The following NPIPB12 variants were observed in gnomAD, a reference collection of about 807,000 sequenced individuals.
The protein encoded by NPIPB12 is nuclear pore complex interacting protein family member B12, also known as nuclear pore complex-interacting protein family member B12.
At chr16:29,497,147 A>C (rs1378676861) in intron 1 of NPIPB12, among the ~76,000 whole-genome samples, 1 of 101,764 alleles carries the variant, frequency 9.8e-6, no homozygotes, top group Non-Finnish European at 2.1e-5. Flanking sequence ...ATCTCAGCAT[A>C]AGTAAAAAAA....
chr16:29,498,340 T>TAAA (rs1965166692), intron 1 of NPIPB12, among the ~76,000 whole-genome samples: 5 of 125,812 alleles, frequency 4.0e-5, no homozygotes, highest in African/African-American at 1.3e-4. Flanking sequence ...ATAAATAAAA[T>TAAA]AATGTAGATC....
intron 1 of NPIPB12, among the ~76,000 whole-genome samples, chr16:29,498,316 A>AAATTAATT (rs1555481953): frequency 6.8e-6 from 1 of 147,752 alleles, no homozygotes; most frequent in African/African-American, 2.5e-5. Context: ...ATAAATAAAT[A>AAATTAATT]AATAAATAAA....
intron 1 of NPIPB12, among the ~76,000 whole-genome samples, chr16:29,498,165 T>C (rs1965159500): frequency 7.1e-6 from 1 of 141,280 alleles, no homozygotes; most frequent in African/African-American, 2.5e-5. Flanking sequence ...CTGGGAGTGG[T>C]GCCACATGTC....
intron 1 of NPIPB12, chr16:29,499,279 GC>G: frequency 1.1e-5 from 2 of 179,192 alleles, no homozygotes; most frequent in Non-Finnish European, 8.1e-6. Context: ...ACGTGATACA[GC>G]CCAGTAAAAA....
At chr16:29,504,473 C>G (rs1205239555) in intron 2 of NPIPB12, among the ~76,000 whole-genome samples, 26 of 135,498 alleles carry the variant, frequency 1.9e-4, no homozygotes, top group Admixed American at 1.2e-3. Context: ...CCATTGCACT[C>G]CAGCCTGGGG....
chr16:29,498,353 G>C (rs1178058858), intron 1 of NPIPB12, among the ~76,000 whole-genome samples: 2 of 146,924 alleles, frequency 1.4e-5, no homozygotes, highest in Non-Finnish European at 1.5e-5. Context: ...TGTAGATCTT[G>C]AAAGGGGGTT....
At chr16:29,499,298 ACCCCAC>A in intron 1 of NPIPB12, 3 of 146,530 alleles carry the variant, frequency 2.0e-5, no homozygotes, top group Non-Finnish European at 2.0e-5. Context: ...AAAGGAAGAA[ACCCCAC>A]GGGTCCAGCG....
At chr16:29,498,192 C>A in intron 1 of NPIPB12, among the ~76,000 whole-genome samples, 1 of 143,212 alleles carries the variant, frequency 7.0e-6, no homozygotes, top group Non-Finnish European at 1.5e-5. Flanking sequence ...CCCAGCCACT[C>A]GGGAGGCTGA....
intron 2 of NPIPB12, among the ~76,000 whole-genome samples, chr16:29,495,168 G>A (rs1206953704): frequency 1.3e-4 from 19 of 145,724 alleles, no homozygotes; most frequent in Non-Finnish European, 2.8e-4. Context: ...CAAAGCAGAA[G>A]AGTTTAGAAA....
chr16:29,490,921 A>AT (rs1965078286), intron 4 of NPIPB12, among the ~76,000 whole-genome samples: 1 of 140,994 alleles, frequency 7.1e-6, no homozygotes, highest in South Asian at 2.2e-4. Context: ...AAAAAAAAAA[A>AT]AAAAAAAGGC....
At chr16:29,501,839 G>A (rs1288674171), upstream of NPIPB12, among the ~76,000 whole-genome samples, 2 of 30,472 alleles carry the variant, frequency 6.6e-5, no homozygotes, top group Non-Finnish European at 1.3e-4. Flanking sequence ...CTGGGTGACA[G>A]AATGGAATGA....
Position 29,487,022 on chromosome 16 carries a change from G to GT in NPIPB12, c.717dup (p.His240ThrfsTer15). The GT allele has an allele frequency of 2.0e-6, 2 of 984,366 alleles. 1 individual carries two copies. The highest frequency in any genetic ancestry group is 2.5e-6 in the Non-Finnish European group (2 of 792,524). The allele number at this position is 984,366 out of a possible 1,614,324, so 61.0% of individuals were successfully genotyped here. On this transcript the variant is annotated frameshift_variant, in exon 6 of 6. Transcript: ENST00000617311. LOFTEE classifies it high-confidence loss of function. ...GGCCCCACTGGGTGGGGATGAAGGT[G>GT]TTTTTGCACAACACGGTTACCAACA...
chr16:29,498,299 A>AAAATAAATAAATAAATAAAT (rs373111384), intron 1 of NPIPB12, among the ~76,000 whole-genome samples: 57 of 141,882 alleles, frequency 4.0e-4, no homozygotes, highest in South Asian at 6.9e-4. Context: ...AAACTGTCTC[A>AAAATAAATAAATAAATAAAT]AAATAAATAA....
intron 1 of NPIPB12, among the ~76,000 whole-genome samples, chr16:29,498,345 T>G (rs1965166876): frequency 1.4e-5 from 2 of 146,930 alleles, no homozygotes; most frequent in South Asian, 4.4e-4. Context: ...TAAAATAATG[T>G]AGATCTTGAA....
At chr16:29,490,557 C>T (rs1965069714) in intron 4 of NPIPB12, among the ~76,000 whole-genome samples, 1 of 141,664 alleles carries the variant, frequency 7.1e-6, no homozygotes, top group Admixed American at 7.0e-5. Flanking sequence ...TGGTGAAACC[C>T]CGCCTCTACT....
intron 1 of NPIPB12, among the ~76,000 whole-genome samples, chr16:29,498,415 T>TAAG (rs1965169264): frequency 8.6e-6 from 1 of 115,654 alleles, no homozygotes; most frequent in Admixed American, 9.1e-5. Context: ...ACACTTAAGG[T>TAAG]TATATATTTT....
intron 4 of NPIPB12, among the ~76,000 whole-genome samples, chr16:29,490,337 G>A (rs1965064479): frequency 9.5e-6 from 1 of 105,558 alleles, no homozygotes; most frequent in Non-Finnish European, 1.9e-5. Flanking sequence ...AACAATCCAG[G>A]CTGGGTGCGG....
intron 2 of NPIPB12, among the ~76,000 whole-genome samples, chr16:29,492,747 T>C (rs1454166526): frequency 9.4e-6 from 1 of 106,262 alleles, no homozygotes; most frequent in Non-Finnish European, 1.8e-5. Flanking sequence ...TGAGCCAAGA[T>C]CCCACCACTG....
upstream of NPIPB12, among the ~76,000 whole-genome samples, chr16:29,502,071 C>G (rs1443792900): frequency 6.0e-4 from 2 of 3,334 alleles, no homozygotes; most frequent in African/African-American, 1.5e-3. Flanking sequence ...GGGTCTCGAA[C>G]AATGGAGGTT....
Sources: gnomAD v4.1 joint callset for allele counts (sites outside exome capture counted in the v4.1 genomes callset) on GRCh38, gnomAD v4.1.1 for gene constraint, MANE v1.5 for transcripts, NCBI Gene and HGNC (gene_info 2026-07-23, HGNC 2026-07-21) for gene names.